TMEM178B: variants seen among roughly 807,000 people sequenced by gnomAD.
TMEM178B encodes the protein transmembrane protein 178B.
TMEM178B carries 5 observed loss-of-function variants against 31.0 expected under a neutral mutation model. That is an observed-to-expected ratio of 0.16 (90% CI 0.08 to 0.34). The LOEUF (loss-of-function observed/expected upper bound fraction) is 0.34. Ranked by LOEUF, TMEM178B falls within the 10% of genes least tolerant of loss-of-function variation. The probability of loss-of-function intolerance (pLI) is 1.00; values close to 1 mark genes in which losing one functional copy is unlikely to be tolerated. For synonymous variants in TMEM178B, 164 were observed against 164.0 expected (o/e 1.00, Z 0.00); for missense variants, 275 against 400.3 (o/e 0.69, Z 2.67).
At chr7:141,506,216 G>C in the TMEM178B span, among the ~76,000 whole-genome samples, 1 of 152,208 alleles carries the variant, frequency 6.6e-6, no homozygotes, top group East Asian at 1.9e-4. Context: ...TTAGATACTA[G>C]TTCCTAATAT....
At chr7:141,157,262 G>T (rs1222293666) in intron 1 of TMEM178B, among the ~76,000 whole-genome samples, 1 of 152,110 alleles carries the variant, frequency 6.6e-6, no homozygotes, top group Non-Finnish European at 1.5e-5. Context: ...GACAGGAAAG[G>T]GTGAAGAATT....
At chr7:141,100,616 G>A (rs7810146) in intron 1 of TMEM178B, among the ~76,000 whole-genome samples, 49,889 of 151,906 alleles carry the variant, frequency 0.33, 9,215 homozygotes, top group African/African-American at 0.5. Flanking sequence ...TAAATAGAAA[G>A]GCATGCTTCA....
intron 2 of TMEM178B, among the ~76,000 whole-genome samples, chr7:141,251,885 T>G (rs540369532): frequency 1.3e-5 from 2 of 152,196 alleles, no homozygotes; most frequent in Non-Finnish European, 2.9e-5. Flanking sequence ...TTACTGTACC[T>G]AGGGTGCAAG....
At chr7:141,268,699 G>A (rs1334477010) in intron 2 of TMEM178B, among the ~76,000 whole-genome samples, 5 of 152,174 alleles carry the variant, frequency 3.3e-5, no homozygotes, top group South Asian at 4.1e-4. Context: ...GCATTTTTTC[G>A]AAGAATTGTA....
intron 3 of TMEM178B, among the ~76,000 whole-genome samples, chr7:141,438,345 A>G (rs1801589100): frequency 6.6e-6 from 1 of 152,108 alleles, no homozygotes; most frequent in African/African-American, 2.4e-5. Context: ...GAACTGCACA[A>G]CTATGTGGGA....
intron 2 of TMEM178B, among the ~76,000 whole-genome samples, chr7:141,386,841 G>C (rs1800439943): frequency 2.0e-5 from 3 of 152,158 alleles, no homozygotes; most frequent in Non-Finnish European, 1.5e-5. Context: ...CCTGGATGAG[G>C]GCAAGGAAGT....
intron 2 of TMEM178B, among the ~76,000 whole-genome samples, chr7:141,420,738 T>G (rs1801191090): frequency 6.6e-6 from 1 of 152,196 alleles, no homozygotes; most frequent in Non-Finnish European, 1.5e-5. Flanking sequence ...AAACCTGTTA[T>G]CATTGATTTG....
chr7:141,190,488 T>G (rs532265698), intron 1 of TMEM178B, among the ~76,000 whole-genome samples: 1 of 151,908 alleles, frequency 6.6e-6, no homozygotes, highest in East Asian at 1.9e-4. Context: ...TTTTTTTTTT[T>G]TATATAGAGA....
chr7:141,242,976 T>C (rs1797652477), intron 2 of TMEM178B, among the ~76,000 whole-genome samples: 1 of 152,160 alleles, frequency 6.6e-6, no homozygotes, highest in Admixed American at 6.5e-5. Context: ...TCTCCTCCTT[T>C]TGCATCTGAT....
intron 1 of TMEM178B, among the ~76,000 whole-genome samples, chr7:141,076,540 C>T (rs1794603109): frequency 6.6e-6 from 1 of 152,094 alleles, no homozygotes; most frequent in South Asian, 2.1e-4. Flanking sequence ...CCATTCAGAG[C>T]TTTGATTCCC....
chr7:141,426,962 G>A (rs1801329673), intron 2 of TMEM178B, among the ~76,000 whole-genome samples: 1 of 152,034 alleles, frequency 6.6e-6, no homozygotes, highest in African/African-American at 2.4e-5. Flanking sequence ...GTACAGTATA[G>A]TAGCTGCAAA....
At chr7:141,388,706 T>C in intron 2 of TMEM178B, among the ~76,000 whole-genome samples, 1 of 152,234 alleles carries the variant, frequency 6.6e-6, no homozygotes, top group East Asian at 1.9e-4. Context: ...TGGTGAGCAC[T>C]GGCTTTCACA....
intron 2 of TMEM178B, among the ~76,000 whole-genome samples, chr7:141,387,075 A>T (rs1300389591): frequency 6.6e-6 from 1 of 152,148 alleles, no homozygotes; most frequent in East Asian, 1.9e-4. Context: ...AGCAATGGGG[A>T]AGTCATCATG....
In TMEM178B at chr7:141,097,622, A is replaced by G. The variant is rs570099594; in HGVS notation, c.382+22930A>G. On this transcript the variant is annotated intron_variant, in intron 1 of 3. Coordinates refer to ENST00000565468, the MANE Select transcript of TMEM178B (RefSeq NM_001195278.2). ...CAATAGAGCGATACGGGGTCTGTCC[A>G]TGGTCCTGAAATCTTTAGCATTTTC... Among the ~76,000 whole-genome samples the G allele has an allele frequency of 2.0e-5, 3 of 151,964 alleles. No homozygotes were observed. The South Asian group carries it at 6.2e-4, about 32-fold the overall frequency.
At chr7:141,204,081 C>T (rs1209730120) in intron 1 of TMEM178B, among the ~76,000 whole-genome samples, 1 of 152,206 alleles carries the variant, frequency 6.6e-6, no homozygotes, top group Non-Finnish European at 1.5e-5. Flanking sequence ...AGCATGTAAA[C>T]CTGTCTGCTA....
At chr7:141,126,777 G>C (rs1795503613) in intron 1 of TMEM178B, among the ~76,000 whole-genome samples, 1 of 152,082 alleles carries the variant, frequency 6.6e-6, no homozygotes, top group Admixed American at 6.5e-5. Context: ...TTAAAATCAC[G>C]TGCGAGACCT....
At chr7:141,285,218 T>G (rs765499221) in intron 2 of TMEM178B, among the ~76,000 whole-genome samples, 1 of 140,382 alleles carries the variant, frequency 7.1e-6, no homozygotes, top group Non-Finnish European at 1.5e-5. Flanking sequence ...TGGCATGATC[T>G]CGGCTCACTT....
chr7:141,233,793 G>A (rs892928361), intron 2 of TMEM178B, among the ~76,000 whole-genome samples: 3 of 152,114 alleles, frequency 2.0e-5, no homozygotes. Flanking sequence ...TGCCAAGTTC[G>A]ACCTCTTTGA....
intron 2 of TMEM178B, among the ~76,000 whole-genome samples, chr7:141,305,365 G>A (rs1392171431): frequency 3.3e-5 from 5 of 152,180 alleles, no homozygotes; most frequent in Admixed American, 6.5e-5. Context: ...CCCACCCAAT[G>A]AGTTGGCACT....
Sources: gnomAD v4.1 joint callset for allele counts (sites outside exome capture counted in the v4.1 genomes callset) on GRCh38, gnomAD v4.1.1 for gene constraint, MANE v1.5 for transcripts, NCBI Gene and HGNC (gene_info 2026-07-23, HGNC 2026-07-21) for gene names.